PRICKLE2: variants seen among roughly 807,000 people sequenced by gnomAD.
PRICKLE2 encodes prickle planar cell polarity protein 2.
A neutral mutation model predicts 81.4 loss-of-function variants in PRICKLE2; 21 were observed. That is an observed-to-expected ratio of 0.26 (90% CI 0.18 to 0.37). PRICKLE2 has a LOEUF of 0.37. PRICKLE2 is among the 10% of genes least tolerant of loss of function. The pLI, the probability that PRICKLE2 is intolerant of heterozygous loss-of-function variation, is 1.00. For missense variants in PRICKLE2, 940 were observed against 1,109.0 expected (o/e 0.85, Z 2.16); for synonymous variants, 456 against 421.5 (o/e 1.08, Z -1.00).
chr3:64,182,421 G>A (rs1254460965), intron 2 of PRICKLE2, among the ~76,000 whole-genome samples: 2 of 151,960 alleles, frequency 1.3e-5, no homozygotes, highest in African/African-American at 4.8e-5. Flanking sequence ...CTGAGTGCAG[G>A]GAGGTTGAAG....
At chr3:64,233,906 C>T (rs1386910788) in intron 2 of PRICKLE2, among the ~76,000 whole-genome samples, 1 of 152,136 alleles carries the variant, frequency 6.6e-6, no homozygotes, top group Non-Finnish European at 1.5e-5. Context: ...CTATTCTTGA[C>T]ATTTTATATT....
chr3:64,253,293 C>T (rs2079476500), intron 2 of PRICKLE2, among the ~76,000 whole-genome samples: 4 of 152,172 alleles, frequency 2.6e-5, no homozygotes, highest in Admixed American at 2.6e-4. Context: ...ATCCATTCTA[C>T]ATCATATAAC....
At chr3:64,264,418 A>C (rs2079666512) in intron 2 of PRICKLE2, among the ~76,000 whole-genome samples, 1 of 152,228 alleles carries the variant, frequency 6.6e-6, no homozygotes, top group South Asian at 2.1e-4. Context: ...AGACTCCCTG[A>C]AGGATATCCC....
intron 7 of PRICKLE2, among the ~76,000 whole-genome samples, chr3:64,122,477 C>T (rs1300561440): frequency 4.6e-5 from 7 of 152,210 alleles, no homozygotes; most frequent in African/African-American, 1.7e-4. Flanking sequence ...GCATTTTCAG[C>T]CAGTTCTTCA....
intron 7 of PRICKLE2, among the ~76,000 whole-genome samples, chr3:64,117,580 G>A (rs1022232782): frequency 2.3e-4 from 35 of 151,966 alleles, no homozygotes; most frequent in African/African-American, 8.2e-4. Context: ...AAGCCAGATC[G>A]GAAATGAACT....
At chr3:64,248,461 G>A (rs1357519044) in intron 2 of PRICKLE2, among the ~76,000 whole-genome samples, 1 of 152,106 alleles carries the variant, frequency 6.6e-6, no homozygotes. Flanking sequence ...GTAAGTTGCA[G>A]GCTAATGATT....
intron 7 of PRICKLE2, among the ~76,000 whole-genome samples, chr3:64,132,064 A>G (rs755710703): frequency 6.6e-6 from 1 of 152,198 alleles, no homozygotes; most frequent in African/African-American, 2.4e-5. Context: ...CTTTGCATAT[A>G]AGATAACCTT....
rs1160485751 is a variant in PRICKLE2, at chr3:64,153,560, CATAATTAA to C, written c.601-200_601-193del. 2.6e-4 allele frequency: 154 copies of C among 584,252 alleles called. 1 individual carries two copies. In the African/African-American group the frequency reaches 2.6e-3, roughly 10 times the overall value. The allele number at this position is 584,252 out of a possible 1,614,324, so 36.2% of individuals were successfully genotyped here. A position where few individuals can be genotyped will look rare whatever the true frequency, so the allele number is the denominator to read the frequency against. On this transcript the variant is annotated intron_variant, in intron 5 of 7. Coordinates refer to ENST00000638394, the MANE Select transcript of PRICKLE2 (RefSeq NM_198859.4). ...TTCCTATACATGGATTTACCTAAAG[CATAATTAA>C]ACATGATTTCTGGCCTAGCCAGTAA...
chr3:64,135,784 A>T (rs2077269820), intron 7 of PRICKLE2, among the ~76,000 whole-genome samples: 1 of 152,198 alleles, frequency 6.6e-6, no homozygotes, highest in African/African-American at 2.4e-5. Flanking sequence ...ATGCTGGTAG[A>T]AAACTGGGGA....
At chr3:64,172,469 CACTT>C (rs1247990698) in intron 2 of PRICKLE2, among the ~76,000 whole-genome samples, 4 of 152,332 alleles carry the variant, frequency 2.6e-5, no homozygotes, top group South Asian at 2.1e-4. Context: ...ATGGATGTAA[CACTT>C]ACCATCTGCA....
upstream of PRICKLE2, among the ~76,000 whole-genome samples, chr3:64,228,409 C>G (rs931432899): frequency 2.0e-5 from 3 of 152,168 alleles, no homozygotes; most frequent in African/African-American, 7.2e-5. Flanking sequence ...TCTGTGAGCT[C>G]AGCTTGGTGA....
At chr3:64,192,800 T>G (rs1270873365) in intron 2 of PRICKLE2, among the ~76,000 whole-genome samples, 1 of 152,194 alleles carries the variant, frequency 6.6e-6, no homozygotes, top group Non-Finnish European at 1.5e-5. Flanking sequence ...ACTTATTCTG[T>G]GCTAAAACAT....
chr3:64,218,207 G>A (rs974299166), intron 1 of PRICKLE2, among the ~76,000 whole-genome samples: 12 of 152,154 alleles, frequency 7.9e-5, no homozygotes, highest in African/African-American at 2.4e-4. Flanking sequence ...GGTGACAACA[G>A]AGCAAACACC....
chr3:64,183,999 T>C (rs945468239), intron 2 of PRICKLE2, among the ~76,000 whole-genome samples: 1 of 152,240 alleles, frequency 6.6e-6, no homozygotes. Flanking sequence ...GAGACTGTTT[T>C]CTTAAATATT....
In PRICKLE2 at chr3:64,147,812, T is replaced by A; in HGVS notation, c.788-110A>T. 8.7e-7 allele frequency: 1 copy of A among 1,145,104 alleles called. No individual in the cohort carries two copies. Among genetic ancestry groups the A allele is most frequent in the Non-Finnish European group, 1.3e-6 (1 of 765,714 alleles). The allele number at this position is 1,145,104 out of a possible 1,614,324, so 70.9% of individuals were successfully genotyped here. ...TCTCAGGATTCCAGGTGCGGCAGGATAAACTGTCAATAAATCAACAATCAG... is the reference window on the plus strand; with the variant it reads ...TCTCAGGATTCCAGGTGCGGCAGGAAAAACTGTCAATAAATCAACAATCAG... On this transcript the variant is annotated intron_variant, in intron 6 of 7. Transcript: ENST00000638394. This position sits in a 1 kb window ranked among gnomAD's most constrained non-coding sequence, Gnocchi z 5.0.
rs1575525628 is a variant in PRICKLE2 at position 64,094,919 on chromosome 3, A to G, written c.*4132T>C. 6.5e-6 allele frequency: 1 copy of G among 152,672 alleles called. No homozygotes were observed. The highest frequency in any genetic ancestry group is 2.1e-4 in the South Asian group (1 of 4,836). The allele number at this position is 152,672 out of a possible 1,614,324, so 9.5% of individuals were successfully genotyped here. A position where few individuals can be genotyped will look rare whatever the true frequency, so the allele number is the denominator to read the frequency against. ...TTTTAAAGCCCTGAAGGTGCAAAAC[A>G]GTTGCTAATAGCAACTGTCCTGGCA... On this transcript the variant is annotated 3_prime_UTR_variant, in exon 8 of 8. Transcript: ENST00000638394.
At chr3:64,157,132 G>T in intron 5 of PRICKLE2, 30 bp downstream of exon 5, 2 of 1,600,668 alleles carry the variant, frequency 1.2e-6, no homozygotes, top group Non-Finnish European at 1.7e-6. Flanking sequence ...GGGGTGATGG[G>T]CAGGTAAACC....
chr3:64,250,748 G>A (rs2079435491), intron 2 of PRICKLE2, among the ~76,000 whole-genome samples: 1 of 152,166 alleles, frequency 6.6e-6, no homozygotes, highest in South Asian at 2.1e-4. Context: ...AGTCCGACAT[G>A]GGCTTCCCTT....
chr3:64,253,306 GT>G (rs1379168189), intron 2 of PRICKLE2, among the ~76,000 whole-genome samples: 1 of 152,118 alleles, frequency 6.6e-6, no homozygotes, highest in Non-Finnish European at 1.5e-5. Flanking sequence ...CATATAACTG[GT>G]AAGTGGCAGA....
Sources: allele counts gnomAD v4.1 joint callset (sites outside exome capture counted in the v4.1 genomes callset), GRCh38; gene constraint gnomAD v4.1.1; non-coding constraint Gnocchi (gnomAD v3.1); transcripts MANE v1.5; gene names NCBI Gene and HGNC (gene_info 2026-07-23, HGNC 2026-07-21).